Variants in TRPC4 observed in about 807,000 individuals in gnomAD.
TRPC4 encodes transient receptor potential cation channel subfamily C member 4.
TRPC4 carries 49 observed loss-of-function variants against 99.4 expected under a neutral mutation model. The observed-to-expected ratio is 0.49, with a 90% CI of 0.39 to 0.63. The LOEUF is 0.63. Ranked by LOEUF, TRPC4 falls within the 20% of genes least tolerant of loss-of-function variation. TRPC4 has a pLI of 0.00. For synonymous variants in TRPC4, 454 were observed against 425.9 expected (o/e 1.07, Z -0.81); for missense variants, 898 against 1,152.9 (o/e 0.78, Z 3.20).
chr13:37,722,034 T>C (rs1042610575), intron 3 of TRPC4, among the ~76,000 whole-genome samples: 2 of 152,238 alleles, frequency 1.3e-5, no homozygotes, highest in African/African-American at 4.8e-5. Flanking sequence ...ATGGATTAAC[T>C]TCTTTGATAT....
rs1459929125 is a variant in TRPC4, at chr13:37,745,930, C to T, written c.897+7G>A. 6.2e-7 allele frequency: 1 copy of T among 1,605,262 alleles called. No homozygotes were observed. The highest frequency in any genetic ancestry group is 1.1e-5 in the South Asian group (1 of 89,958). On this transcript the variant is annotated splice_region_variant and intron_variant, in intron 3 of 10. Transcript: ENST00000379705. Reference sequence around the variant, plus strand: ...CATTTTGATGGATCAAGTCTGGCAACACTCACCTCTTTTTGACGGTACTTA... The same window carrying T: ...CATTTTGATGGATCAAGTCTGGCAATACTCACCTCTTTTTGACGGTACTTA...
intron 3 of TRPC4, among the ~76,000 whole-genome samples, chr13:37,730,046 G>C (rs1955193541): frequency 6.6e-6 from 1 of 152,038 alleles, no homozygotes; most frequent in African/African-American, 2.4e-5. Flanking sequence ...GTAGTCAGAG[G>C]CTGGCCACTC....
At chr13:37,753,575 A>AGAAAGAGAGAGAGAGAGAGAGAG (rs1566145348) in intron 2 of TRPC4, among the ~76,000 whole-genome samples, 4 of 137,364 alleles carry the variant, frequency 2.9e-5, no homozygotes, top group African/African-American at 1.1e-4. Context: ...GAGAGAGAGA[A>AGAAAGAGAGAGAGAGAGAGAGAG]AGAGAGAGAG....
At chr13:37,701,059 C>A (rs1954087202) in intron 3 of TRPC4, among the ~76,000 whole-genome samples, 1 of 152,102 alleles carries the variant, frequency 6.6e-6, no homozygotes, top group South Asian at 2.1e-4. Flanking sequence ...AACACAGTCA[C>A]CGACCTCTCA....
At chr13:37,662,742 T>C (rs952281382) in intron 6 of TRPC4, among the ~76,000 whole-genome samples, 11 of 152,204 alleles carry the variant, frequency 7.2e-5, no homozygotes, top group Admixed American at 3.3e-4. Context: ...GGGACAGATA[T>C]ATAGAGGAAT....
rs576810485 is a variant in TRPC4, at chr13:37,726,053, A to C, written c.897+19884T>G. Among the ~76,000 whole-genome samples, 3 of 152,064 alleles carry C rather than the reference A, an allele frequency of 2.0e-5. No homozygotes were observed. The South Asian group carries it at 6.2e-4, about 32-fold the overall frequency. On this transcript the variant is annotated intron_variant, in intron 3 of 10. Transcript: ENST00000379705. Reference sequence around the variant, plus strand: ...TCTACTAAAAATATAAAAATTCACCAGGCTTGGTGGTGGGCACCTGTTGTC... The same window carrying C: ...TCTACTAAAAATATAAAAATTCACCCGGCTTGGTGGTGGGCACCTGTTGTC...
At chr13:37,800,956 A>G (rs1461122731) in intron 1 of TRPC4, among the ~76,000 whole-genome samples, 1 of 152,082 alleles carries the variant, frequency 6.6e-6, no homozygotes, top group Non-Finnish European at 1.5e-5. Context: ...AACATTTTCG[A>G]TATTTCAAAT....
intron 1 of TRPC4, among the ~76,000 whole-genome samples, chr13:37,827,345 C>T (rs545549671): frequency 3.4e-4 from 52 of 152,286 alleles, no homozygotes; most frequent in East Asian, 3.3e-3. Flanking sequence ...GGTGGAGAGG[C>T]GCTCTGCTTT....
intron 1 of TRPC4, among the ~76,000 whole-genome samples, chr13:37,849,819 T>C (rs538164097): frequency 6.6e-6 from 1 of 152,344 alleles, no homozygotes; most frequent in South Asian, 2.1e-4. Flanking sequence ...GTTGGGAAGA[T>C]GGCATTTCTC....
intron 3 of TRPC4, among the ~76,000 whole-genome samples, chr13:37,708,100 G>A (rs1183287390): frequency 6.6e-6 from 1 of 151,966 alleles, no homozygotes; most frequent in Non-Finnish European, 1.5e-5. Flanking sequence ...CAGAAAATAG[G>A]CCTCCATACT....
intron 1 of TRPC4, among the ~76,000 whole-genome samples, chr13:37,812,239 A>C (rs1957720982): frequency 6.6e-6 from 1 of 150,722 alleles, no homozygotes; most frequent in Non-Finnish European, 1.5e-5. Context: ...GAGCGATAGA[A>C]CATAACTCAA....
chr13:37,794,831 T>C (rs114079480), intron 1 of TRPC4, among the ~76,000 whole-genome samples: 1 of 152,162 alleles, frequency 6.6e-6, no homozygotes, highest in South Asian at 2.1e-4. Flanking sequence ...GGGTGTCCCA[T>C]CAGTATATAC....
At chr13:37,727,478 T>C (rs1955101945) in intron 3 of TRPC4, among the ~76,000 whole-genome samples, 1 of 151,886 alleles carries the variant, frequency 6.6e-6, no homozygotes, top group Admixed American at 6.6e-5. Flanking sequence ...AACAGAAAGA[T>C]CTCAAGTTGA....
intron 1 of TRPC4, among the ~76,000 whole-genome samples, chr13:37,796,941 A>AAATAAAATAAAATAT (rs1357067937): frequency 2.3e-5 from 3 of 133,092 alleles, no homozygotes; most frequent in Non-Finnish European, 3.2e-5. Flanking sequence ...AAATAAAATA[A>AAATAAAATAAAATAT]AATAAAATAA....
chr13:37,732,226 A>G (rs1239157808), intron 3 of TRPC4, among the ~76,000 whole-genome samples: 1 of 152,182 alleles, frequency 6.6e-6, no homozygotes, highest in Non-Finnish European at 1.5e-5. Context: ...TACATGCTCT[A>G]TATATAGAAG....
intron 5 of TRPC4, among the ~76,000 whole-genome samples, chr13:37,666,726 C>T: frequency 6.6e-6 from 1 of 152,154 alleles, no homozygotes; most frequent in East Asian, 1.9e-4. Flanking sequence ...ATTTACAAAA[C>T]CTACCTTCCC....
chr13:37,866,823 C>T (rs1486765119), intron 1 of TRPC4, among the ~76,000 whole-genome samples: 37 of 102,038 alleles, frequency 3.6e-4, no homozygotes. Flanking sequence ...TTGAGTCGAA[C>T]CAGTTTTAAT....
intron 3 of TRPC4, among the ~76,000 whole-genome samples, chr13:37,699,159 A>T (rs1203232372): frequency 3.3e-5 from 5 of 152,170 alleles, no homozygotes; most frequent in Admixed American, 2.6e-4. Flanking sequence ...GATAGTAGAA[A>T]TACTTATCTC....
chr13:37,677,616 CTA>C (rs1168209886), intron 4 of TRPC4, among the ~76,000 whole-genome samples: 2 of 152,176 alleles, frequency 1.3e-5, no homozygotes, highest in Admixed American at 6.5e-5. Context: ...TATAAAAATT[CTA>C]TGTGTGCTTG....
Sources: gnomAD v4.1 joint callset for allele counts (sites outside exome capture counted in the v4.1 genomes callset) on GRCh38, gnomAD v4.1.1 for gene constraint, MANE v1.5 for transcripts, NCBI Gene and HGNC (gene_info 2026-07-23, HGNC 2026-07-21) for gene names.